PHF3: variants seen among roughly 807,000 people sequenced by gnomAD.
PHF3 encodes the protein PHD finger protein 3.
In PHF3, 41 loss-of-function variants were observed where a neutral mutation model predicts 178.4. The ratio of observed to expected loss-of-function variants is 0.23; its 90% confidence interval spans 0.18 to 0.30. The LOEUF (loss-of-function observed/expected upper bound fraction) is 0.30, where lower values mean the gene tolerates loss of function less well. Among genes scored for constraint, PHF3 ranks in the 10% least tolerant of loss-of-function variants. The pLI, the probability that PHF3 is intolerant of heterozygous loss-of-function variation, is 1.00. For missense variants in PHF3, 2,346 were observed against 2,398.1 expected (o/e 0.98, Z 0.45); for synonymous variants, 842 against 800.5 (o/e 1.05, Z -0.88).
At chr6:63,644,757 T>C (rs116373529) in intron 1 of PHF3, among the ~76,000 whole-genome samples, 1,805 of 152,258 alleles carry the variant, frequency 0.012, 29 homozygotes, top group African/African-American at 0.042. Context: ...TCATTAAAAA[T>C]GAACAGATTC....
intron 2 of PHF3, among the ~76,000 whole-genome samples, chr6:63,671,606 C>T (rs1286330510): frequency 6.6e-6 from 1 of 152,096 alleles, no homozygotes; most frequent in Non-Finnish European, 1.5e-5. Context: ...AAGTACATTC[C>T]AAGCAGAGAA....
rs559598319 is a variant in PHF3, at chr6:63,675,267, C to CA, written c.245-4728dup. On this transcript the variant is annotated intron_variant, in intron 2 of 15. Coordinates refer to ENST00000262043, the MANE Select transcript of PHF3 (RefSeq NM_001370348.2). The stretch of plus-strand genomic sequence containing the variant: ...TGGTTTAAATCACTTTAATACCACA[C>CA]AAAAAGGAAAATTACAAGGCAGGAC... Among the ~76,000 whole-genome samples the CA allele has an allele frequency of 1.1e-3, 161 of 152,274 alleles. No individual in the cohort carries two copies. In the Middle Eastern group the frequency reaches 0.014, roughly 13 times the overall value.
Position 63,712,740 on chromosome 6 carries a change from G to A in PHF3, c.5152G>A (p.Val1718Ile). Residue 1718 changes from valine (V) to isoleucine (I), a missense_variant, in exon 16 of 16, where the codon GTT (valine) becomes ATT (isoleucine). This residue lies in a region of PHF3 where 839 missense variants were observed against 806.9 expected (regional missense o/e 1.04). Transcript: ENST00000262043. ...SCVQQSDNLK[V>I]AQNSPSVENI... is the part of the protein sequence containing the mutation. ...TGTTCAGCAGAGTGACAATTTAAAA[G>A]TTGCACAAAACTCACCATCAGTAGA... The A allele has an allele frequency of 1.2e-6, 2 of 1,613,904 alleles. No homozygotes were observed. Among genetic ancestry groups the A allele is most frequent in the Non-Finnish European group, 1.7e-6 (2 of 1,179,956 alleles).
chr6:63,723,831 A>ATTC lies in PHF3; in HGVS notation c.*10125_*10126insCTT, dbSNP rs1768508125. 7.7e-6 allele frequency among the ~76,000 whole-genome samples: 1 copy of ATTC among 130,196 alleles called. No homozygotes were observed. The highest frequency in any genetic ancestry group is 2.1e-4 in the East Asian group (1 of 4,658). The allele number at this position is 130,196 out of a possible 152,430, so 85.4% of individuals were successfully genotyped here. On this transcript the variant is annotated 3_prime_UTR_variant, in exon 16 of 16. Coordinates refer to ENST00000262043, the MANE Select transcript of PHF3 (RefSeq NM_001370348.2). ...TATTATTATTATTATTATTATTATTATTATTTTGAGACCAGAGTCCTGCTC... is the reference window on the plus strand; with the variant it reads ...TATTATTATTATTATTATTATTATTATTCTTATTTTGAGACCAGAGTCCTGCTC...
intron 4 of PHF3, 128 bp downstream of exon 4, chr6:63,686,039 G>A (rs1371534229): frequency 1.3e-5 from 8 of 622,004 alleles, no homozygotes; most frequent in Non-Finnish European, 2.2e-5. Flanking sequence ...AAAACAAAAA[G>A]CTTCATCAGT....
In PHF3 at chr6:63,702,555, A is replaced by G. The variant is rs202114286; in HGVS notation, c.3147A>G (p.Pro1049=). 1.1e-5 allele frequency: 18 copies of G among 1,612,660 alleles called. No individual in the cohort carries two copies. Among genetic ancestry groups the G allele is most frequent in the African/African-American group, 2.7e-5 (2 of 75,030 alleles). ...EKEQREVERR[P]ITKITHKGEI... ...AGCAGAGAGAAGTGGAACGACGGCC[A>G]ATCACCAAAATAACTCATAAAGGTG... Residue 1049 remains proline, a synonymous_variant, in exon 10 of 16, where the codon CCA becomes CCG. Transcript: ENST00000262043.
At position 63,635,845 on chromosome 6, in the gene PHF3, C is replaced by T; in HGVS notation, c.-331C>T. ...GGCCCCTCTCCAGCTCCCGCGCCGC[C>T]GCCGCACGCCGATGGCTGCGGGGTC... On this transcript the variant is annotated 5_prime_UTR_variant, in exon 1 of 16. Transcript: ENST00000262043. The T allele has an allele frequency of 7.6e-6, 3 of 396,460 alleles. No homozygotes were observed. The highest frequency in any genetic ancestry group is 8.9e-6 in the Non-Finnish European group (2 of 224,650). 24.6% of individuals were successfully genotyped at this position (396,460 alleles called of 1,614,324 possible).
chr6:63,698,372 C>A lies in PHF3; in HGVS notation c.2825+5C>A. ...CAAAGACATTCTTATGAAGAGGTAACATATATTTTTATTATAGAAGTATCA... is the reference window on the plus strand; with the variant it reads ...CAAAGACATTCTTATGAAGAGGTAAAATATATTTTTATTATAGAAGTATCA... On this transcript the variant is annotated splice_donor_5th_base_variant and intron_variant, in intron 7 of 15. Transcript: ENST00000262043. 6.3e-7 allele frequency: 1 copy of A among 1,598,630 alleles called. No individual in the cohort carries two copies. The highest frequency in any genetic ancestry group is 8.5e-7 in the Non-Finnish European group (1 of 1,171,406).
chr6:63,640,969 A>G (rs1581986145), intron 1 of PHF3, among the ~76,000 whole-genome samples: 1 of 152,222 alleles, frequency 6.6e-6, no homozygotes, highest in Non-Finnish European at 1.5e-5. Context: ...TGTTCTCTGC[A>G]TGGGCATACT....
intron 1 of PHF3, 107 bp downstream of exon 1, chr6:63,636,257 G>C: frequency 7.1e-6 from 2 of 281,930 alleles, no homozygotes; most frequent in Non-Finnish European, 6.6e-6. Flanking sequence ...CTCCCGCGGC[G>C]GACTCTCCGC....
intron 2 of PHF3, among the ~76,000 whole-genome samples, chr6:63,652,650 A>G (rs954760944): frequency 6.6e-6 from 1 of 152,030 alleles, no homozygotes; most frequent in Admixed American, 6.6e-5. Context: ...TTCTTCTGGT[A>G]GTTTCTTAGT....
At chr6:63,679,674 G>A (rs2149577430) in intron 2 of PHF3, 1 of 365,776 alleles carries the variant, frequency 2.7e-6, no homozygotes, top group South Asian at 2.1e-5. Context: ...TGTGATACTT[G>A]AGTACTCCAG....
intron 13 of PHF3, 144 bp from the exon 14 acceptor site, chr6:63,709,007 C>T: frequency 2.0e-6 from 1 of 492,294 alleles, no homozygotes; most frequent in Non-Finnish European, 3.5e-6. Flanking sequence ...ATTCTGTTTT[C>T]CGATGCATTT....
chr6:63,688,108 C>G (rs1420632379), intron 4 of PHF3, among the ~76,000 whole-genome samples: 4 of 150,142 alleles, frequency 2.7e-5, no homozygotes, highest in African/African-American at 7.4e-5. Flanking sequence ...GGCGCGTGAA[C>G]CCGGGAGGCG....
At chr6:63,710,007 A>C (rs1767860762) in intron 14 of PHF3, among the ~76,000 whole-genome samples, 1 of 152,210 alleles carries the variant, frequency 6.6e-6, no homozygotes, top group Admixed American at 6.5e-5. Context: ...ATGTGATAGT[A>C]CCTAGTATAT....
At chr6:63,652,073 G>C (rs1003923715) in intron 2 of PHF3, among the ~76,000 whole-genome samples, 2 of 152,154 alleles carry the variant, frequency 1.3e-5, no homozygotes, top group Non-Finnish European at 2.9e-5. Flanking sequence ...GGGATTGCTA[G>C]ATCATATGGT....
intron 4 of PHF3, 23 bp from the exon 5 acceptor site, chr6:63,691,714 T>G (rs779608803): frequency 1.1e-4 from 168 of 1,528,802 alleles, no homozygotes; most frequent in Non-Finnish European, 1.4e-4. Flanking sequence ...GGGATAAAAG[T>G]TTTTTGGTGT....
At chr6:63,686,180 T>G (rs1273316106) in intron 4 of PHF3, 1 of 375,662 alleles carries the variant, frequency 2.7e-6, no homozygotes. Context: ...GGTTAGACAG[T>G]GTAATTTAGC....
intron 3 of PHF3, among the ~76,000 whole-genome samples, chr6:63,682,961 T>A (rs1204934350): frequency 6.6e-6 from 1 of 152,046 alleles, no homozygotes; most frequent in African/African-American, 2.4e-5. Context: ...GCTTTAAAGA[T>A]CACCTAAATA....
Sources: gnomAD v4.1 joint callset for allele counts (sites outside exome capture counted in the v4.1 genomes callset) on GRCh38, gnomAD v4.1.1 for gene constraint, gnomAD v4.1.1 regional missense constraint, MANE v1.5 for transcripts, NCBI Gene and HGNC (gene_info 2026-07-23, HGNC 2026-07-21) for gene names.